The following TCAIM variants were observed in gnomAD, a reference collection of about 807,000 sequenced individuals.
TCAIM encodes T-cell activation inhibitor, mitochondrial.
A neutral mutation model predicts 58.6 loss-of-function variants in TCAIM; 36 were observed. The observed-to-expected ratio is 0.61, with a 90% confidence interval of 0.47 to 0.81. TCAIM has a LOEUF of 0.81. TCAIM is among the 30% of genes least tolerant of loss of function. The pLI is 0.00. For synonymous variants in TCAIM, 172 were observed against 193.6 expected (o/e 0.89, Z 0.93); for missense variants, 466 against 579.6 (o/e 0.80, Z 2.01).
chr3:44,356,505 G>C (rs763203716), intron 2 of TCAIM, among the ~76,000 whole-genome samples: 12 of 151,862 alleles, frequency 7.9e-5, no homozygotes, highest in Non-Finnish European at 1.5e-4. Context: ...CAGGGCAACA[G>C]AGTGAGACTC....
At position 44,408,849 on chromosome 3, in the gene TCAIM, GGT is replaced by G. The variant is rs371281737; in HGVS notation, c.*1170_*1171del. 39 of 152,226 alleles carry G rather than the reference GGT, an allele frequency of 2.6e-4. No individual in the cohort carries two copies. Among genetic ancestry groups the G allele is most frequent in the African/African-American group, 9.2e-4 (38 of 41,530 alleles). The allele number at this position is 152,226 out of a possible 1,614,324, so 9.4% of individuals were successfully genotyped here. On this transcript the variant is annotated 3_prime_UTR_variant, in exon 11 of 11. Coordinates refer to ENST00000342649, the MANE Select transcript of TCAIM (RefSeq NM_173826.4). Reference sequence around the variant, plus strand: ...TAGAATTCAACCCCAAGTGGTTGATGGTGTCCCCAGCACAGCCGAGAGACCTG... The same window carrying G: ...TAGAATTCAACCCCAAGTGGTTGATGGTCCCCAGCACAGCCGAGAGACCTG...
chr3:44,408,497 C>G lies in TCAIM; in HGVS notation c.*815C>G, dbSNP rs946214908. 4.6e-5 allele frequency: 7 copies of G among 152,136 alleles called. No individual in the cohort carries two copies. The highest frequency in any genetic ancestry group is 1.0e-4 in the Non-Finnish European group (7 of 68,034). The allele number at this position is 152,136 out of a possible 1,614,324, so 9.4% of individuals were successfully genotyped here. A position where few individuals can be genotyped will look rare whatever the true frequency, so the allele number is the denominator to read the frequency against. On this transcript the variant is annotated 3_prime_UTR_variant, in exon 11 of 11. Coordinates refer to ENST00000342649, the MANE Select transcript of TCAIM (RefSeq NM_173826.4). The stretch of plus-strand genomic sequence containing the variant: ...CAGTTTATTGAAACGTGTGCATTAA[C>G]AGAGAATTTAATTTTAAACCCATAA...
chr3:44,365,399 G>T (rs1463405497), intron 4 of TCAIM, among the ~76,000 whole-genome samples: 2 of 151,970 alleles, frequency 1.3e-5, no homozygotes, highest in Non-Finnish European at 2.9e-5. Context: ...CACAATCTCG[G>T]CTCACTGCAA....
chr3:44,369,293 CAA>C (rs1328003494), intron 5 of TCAIM, among the ~76,000 whole-genome samples: 1 of 152,008 alleles, frequency 6.6e-6, no homozygotes, highest in Non-Finnish European at 1.5e-5. Context: ...TCTAGATGAA[CAA>C]AAAGTTGGGG....
intron 5 of TCAIM, among the ~76,000 whole-genome samples, chr3:44,372,511 T>C (rs190778557): frequency 1.4e-3 from 211 of 152,216 alleles, no homozygotes; most frequent in African/African-American, 5.1e-3. Flanking sequence ...AGAAGTAGCA[T>C]AAAAATGGTA....
At chr3:44,402,990 T>G (rs890028465) in intron 10 of TCAIM, among the ~76,000 whole-genome samples, 1 of 152,156 alleles carries the variant, frequency 6.6e-6, no homozygotes, top group Non-Finnish European at 1.5e-5. Context: ...AGAGAGAGGC[T>G]AGATATGGTG....
chr3:44,385,839 C>G (rs1701730772), intron 5 of TCAIM, among the ~76,000 whole-genome samples: 1 of 152,148 alleles, frequency 6.6e-6, no homozygotes, highest in African/African-American at 2.4e-5. Flanking sequence ...ACGATGGTGT[C>G]TCTTGTACAT....
intron 3 of TCAIM, chr3:44,359,065 A>C: frequency 7.1e-6 from 7 of 983,334 alleles, no homozygotes; most frequent in Non-Finnish European, 8.5e-6. Flanking sequence ...CTTTAATATT[A>C]TTCTACCAAT....
intron 5 of TCAIM, among the ~76,000 whole-genome samples, chr3:44,374,340 G>GT (rs1701531145): frequency 6.7e-6 from 1 of 149,014 alleles, no homozygotes; most frequent in African/African-American, 2.5e-5. Context: ...CTAGTAGTAA[G>GT]TTTAAGTATT....
chr3:44,343,205 G>C (rs909521117), intron 1 of TCAIM, among the ~76,000 whole-genome samples: 1 of 151,950 alleles, frequency 6.6e-6, no homozygotes, highest in Non-Finnish European at 1.5e-5. Context: ...TTATTTAAGA[G>C]ATGAGGAAAC....
chr3:44,381,741 T>G (rs1047162946), intron 5 of TCAIM, among the ~76,000 whole-genome samples: 4 of 152,146 alleles, frequency 2.6e-5, no homozygotes, highest in African/African-American at 9.7e-5. Context: ...CTCTGCAGAT[T>G]CCACTGAAGA....
upstream of TCAIM, chr3:44,338,742 C>T (rs887224019): frequency 2.0e-5 from 3 of 152,306 alleles, no homozygotes; most frequent in Non-Finnish European, 2.9e-5. Context: ...CCGAACAGCC[C>T]TGCGGGCGGA....
chr3:44,382,268 G>A (rs1023436158), intron 5 of TCAIM, among the ~76,000 whole-genome samples: 1 of 152,136 alleles, frequency 6.6e-6, no homozygotes, highest in African/African-American at 2.4e-5. Context: ...CATAAAAACA[G>A]ACATATAGGC....
chr3:44,391,029 C>T lies in TCAIM; in HGVS notation c.573-1826C>T, dbSNP rs150090181. ...CCAGGTCACTCATTTCTCTGGACTT[C>T]CCTTGGGTAGCCAGTGACCCTGAGC... On this transcript the variant is annotated intron_variant, in intron 5 of 10. Coordinates refer to ENST00000342649, the MANE Select transcript of TCAIM (RefSeq NM_173826.4). Among the ~76,000 whole-genome samples, 14 of 152,258 alleles carry T rather than the reference C, an allele frequency of 9.2e-5. No individual in the cohort carries two copies. The East Asian group carries it at 2.1e-3, about 23-fold the overall frequency.
intron 5 of TCAIM, among the ~76,000 whole-genome samples, chr3:44,378,853 A>G (rs1248537936): frequency 6.6e-6 from 1 of 151,756 alleles, no homozygotes; most frequent in South Asian, 2.1e-4. Flanking sequence ...CATACCAGTT[A>G]GAATGGCTAG....
intron 1 of TCAIM, among the ~76,000 whole-genome samples, chr3:44,342,491 G>A (rs935509574): frequency 1.3e-5 from 2 of 152,106 alleles, no homozygotes; most frequent in African/African-American, 2.4e-5. Flanking sequence ...GTTTCATCAA[G>A]ATTAACATTC....
At chr3:44,397,465 G>A (rs1365235804) in intron 8 of TCAIM, among the ~76,000 whole-genome samples, 1 of 152,164 alleles carries the variant, frequency 6.6e-6, no homozygotes, top group Non-Finnish European at 1.5e-5. Flanking sequence ...TGTATTGGGA[G>A]TTTATTCCTT....
chr3:44,361,361 C>G lies in TCAIM; in HGVS notation c.166-4C>G, dbSNP rs748496571. 13 of 1,583,106 alleles carry G rather than the reference C, an allele frequency of 8.2e-6. No individual in the cohort carries two copies. Among genetic ancestry groups the G allele is most frequent in the Non-Finnish European group, 1.0e-5 (12 of 1,170,124 alleles). On this transcript the variant is annotated splice_region_variant and splice_polypyrimidine_tract_variant and intron_variant, in intron 3 of 10. Transcript: ENST00000342649. ...ATGTAAATGCCCTTAATGTTTTTTTCCAGGAAATCAATGAAAATTCTCTTA... is the reference window on the plus strand; with the variant it reads ...ATGTAAATGCCCTTAATGTTTTTTTGCAGGAAATCAATGAAAATTCTCTTA...
In TCAIM at chr3:44,370,908, A is replaced by ATT. The variant is rs56982688; in HGVS notation, c.572+3219_572+3220dup. On this transcript the variant is annotated intron_variant, in intron 5 of 10. Transcript: ENST00000342649. Reference sequence around the variant, plus strand: ...AGGCATGTGCCACCATACCTGGCTAATTTTTTTTTTTTTTTTTTTTAAAGA... The same window carrying ATT: ...AGGCATGTGCCACCATACCTGGCTAATTTTTTTTTTTTTTTTTTTTTTAAAGA... Among the ~76,000 whole-genome samples, 842 of 123,250 alleles carry ATT rather than the reference A, an allele frequency of 6.8e-3. 4 individuals carry two copies. The highest frequency in any genetic ancestry group is 0.011 in the Non-Finnish European group (654 of 59,972). The allele number at this position is 123,250 out of a possible 152,430, so 80.9% of individuals were successfully genotyped here.
Sources: allele counts gnomAD v4.1 joint callset (sites outside exome capture counted in the v4.1 genomes callset), GRCh38; gene constraint gnomAD v4.1.1; transcripts MANE v1.5; gene names NCBI Gene and HGNC (gene_info 2026-07-23, HGNC 2026-07-21).